Variants in NR2F1-AS1 observed in about 807,000 individuals in gnomAD.
The protein encoded by NR2F1-AS1 is NR2F1 antisense RNA 1.
At chr5:93,482,699 C>A (rs181292270) in intron 4 of NR2F1-AS1, among the ~76,000 whole-genome samples, 1 of 152,160 alleles carries the variant, frequency 6.6e-6, no homozygotes, top group African/African-American at 2.4e-5. Flanking sequence ...TAAGATCAAC[C>A]GGCTTGAAAT....
At chr5:93,572,541 G>T (rs182084682) in intron 1 of NR2F1-AS1, among the ~76,000 whole-genome samples, 1 of 152,176 alleles carries the variant, frequency 6.6e-6, no homozygotes, top group Non-Finnish European at 1.5e-5. Context: ...ACGCAACAAC[G>T]CGCTGTCAGC....
intron 1 of NR2F1-AS1, among the ~76,000 whole-genome samples, chr5:93,568,166 C>A (rs1049408311): frequency 1.3e-5 from 2 of 152,194 alleles, no homozygotes; most frequent in South Asian, 4.2e-4. Flanking sequence ...TAAATTCCAG[C>A]AAGCAAGTCA....
chr5:93,496,926 T>C (rs1266757328), intron 4 of NR2F1-AS1, among the ~76,000 whole-genome samples: 2 of 152,214 alleles, frequency 1.3e-5, no homozygotes, highest in Admixed American at 1.3e-4. Flanking sequence ...CTTTTTACTG[T>C]GAATACAGAA....
intron 4 of NR2F1-AS1, among the ~76,000 whole-genome samples, chr5:93,437,265 G>A (rs1294887487): frequency 1.3e-5 from 2 of 152,052 alleles, no homozygotes; most frequent in Non-Finnish European, 2.9e-5. Flanking sequence ...AGCCGTAAAT[G>A]TAAGATACAC....
At chr5:93,510,826 C>G (rs975413557) in intron 4 of NR2F1-AS1, among the ~76,000 whole-genome samples, 1 of 152,142 alleles carries the variant, frequency 6.6e-6, no homozygotes, top group African/African-American at 2.4e-5. Flanking sequence ...AGTTACATCA[C>G]TCAGTGTATG....
At chr5:93,498,066 G>A (rs996560774) in intron 4 of NR2F1-AS1, among the ~76,000 whole-genome samples, 1 of 152,118 alleles carries the variant, frequency 6.6e-6, no homozygotes, top group Non-Finnish European at 1.5e-5. Context: ...GCTCATGCCT[G>A]TAATCCCAGC....
At chr5:93,554,441 C>T (rs1752302966) in intron 3 of NR2F1-AS1, among the ~76,000 whole-genome samples, 1 of 152,118 alleles carries the variant, frequency 6.6e-6, no homozygotes, top group Non-Finnish European at 1.5e-5. Flanking sequence ...AATAGTTCTA[C>T]TGACTCCTGA....
intron 4 of NR2F1-AS1, among the ~76,000 whole-genome samples, chr5:93,547,149 GTATGTATATGCATATGCATATGTA>G (rs1415113142): frequency 6.6e-6 from 1 of 152,066 alleles, no homozygotes; most frequent in Non-Finnish European, 1.5e-5. Context: ...GTGGGTGTGT[GTATGTATATGCATATGCATATGTA>G]TATGCATATA....
At chr5:93,514,222 T>A (rs962431951) in intron 4 of NR2F1-AS1, among the ~76,000 whole-genome samples, 1 of 152,112 alleles carries the variant, frequency 6.6e-6, no homozygotes, top group Non-Finnish European at 1.5e-5. Context: ...AAAAAATTTT[T>A]CAATTGGTAT....
intron 4 of NR2F1-AS1, among the ~76,000 whole-genome samples, chr5:93,444,578 T>A (rs1273893937): frequency 2.6e-5 from 4 of 152,132 alleles, no homozygotes; most frequent in Non-Finnish European, 5.9e-5. Flanking sequence ...CAAAGAGATG[T>A]ACACTCCCAC....
chr5:93,489,444 ATGCTAT>A (rs1750792752), intron 4 of NR2F1-AS1, among the ~76,000 whole-genome samples: 1 of 151,918 alleles, frequency 6.6e-6, no homozygotes, highest in Non-Finnish European at 1.5e-5. Context: ...TTTAGGCATA[ATGCTAT>A]TGCACAAAAT....
chr5:93,523,121 C>T (rs1022678942), intron 4 of NR2F1-AS1, among the ~76,000 whole-genome samples: 4 of 152,160 alleles, frequency 2.6e-5, no homozygotes, highest in Non-Finnish European at 5.9e-5. Context: ...TCTGCCAGCA[C>T]AGCAGTATGA....
intron 4 of NR2F1-AS1, chr5:93,432,402 G>C (rs964524797): frequency 2.0e-5 from 3 of 152,018 alleles, no homozygotes; most frequent in Non-Finnish European, 2.9e-5. Context: ...AAAGACCAGG[G>C]GACACCATTG....
intron 4 of NR2F1-AS1, among the ~76,000 whole-genome samples, chr5:93,460,556 C>T (rs1159264298): frequency 6.6e-6 from 1 of 152,138 alleles, no homozygotes; most frequent in Non-Finnish European, 1.5e-5. Flanking sequence ...GATGCCACCA[C>T]TCACCACCAT....
At chr5:93,549,959 C>T (rs991306358) in intron 4 of NR2F1-AS1, among the ~76,000 whole-genome samples, 2 of 151,766 alleles carry the variant, frequency 1.3e-5, no homozygotes, top group Non-Finnish European at 1.5e-5. Flanking sequence ...CACCGGGGCC[C>T]TGTCGAGGGG....
chr5:93,501,642 C>T (rs941966894), intron 4 of NR2F1-AS1, among the ~76,000 whole-genome samples: 1 of 152,122 alleles, frequency 6.6e-6, no homozygotes, highest in Non-Finnish European at 1.5e-5. Context: ...GTATGAGCCA[C>T]CATACCCTGC....
chr5:93,442,808 A>G (rs1749603709), intron 4 of NR2F1-AS1, among the ~76,000 whole-genome samples: 1 of 152,152 alleles, frequency 6.6e-6, no homozygotes, highest in Non-Finnish European at 1.5e-5. Context: ...GCCGACTGAC[A>G]CCTCATACAG....
intron 4 of NR2F1-AS1, among the ~76,000 whole-genome samples, chr5:93,457,607 C>G (rs1749980184): frequency 6.6e-6 from 1 of 152,144 alleles, no homozygotes; most frequent in Admixed American, 6.5e-5. Flanking sequence ...GACAAAACCA[C>G]CATTGTCATC....
At chr5:93,499,506 T>C (rs1367236641) in intron 4 of NR2F1-AS1, among the ~76,000 whole-genome samples, 2 of 152,176 alleles carry the variant, frequency 1.3e-5, no homozygotes, top group Non-Finnish European at 2.9e-5. Context: ...ATTGTCATTG[T>C]TTGAGGCACC....
Sources: gnomAD v4.1 joint callset for allele counts (sites outside exome capture counted in the v4.1 genomes callset) on GRCh38, gnomAD v4.1.1 for gene constraint, MANE v1.5 for transcripts, NCBI Gene and HGNC (gene_info 2026-07-23, HGNC 2026-07-21) for gene names.